Variants in SND1 observed in about 807,000 individuals in gnomAD.
The protein encoded by SND1 is staphylococcal nuclease and tudor domain containing 1.
Under a neutral mutation model 121.7 loss-of-function variants are expected in SND1, and 38 were observed. The observed-to-expected ratio is 0.31, with a 90% CI of 0.24 to 0.41. The LOEUF is 0.41. Ranked by LOEUF, SND1 falls within the 10% of genes least tolerant of loss-of-function variation. The pLI, the probability that SND1 is intolerant of heterozygous loss-of-function variation, is 1.00. For synonymous variants in SND1, 401 were observed against 447.4 expected, an observed-to-expected ratio of 0.90 and a Z score of 1.31; for missense variants, 868 against 1,184.6, an observed-to-expected ratio of 0.73 and a Z score of 3.92.
chr7:127,771,660 A>T (rs1797514990), intron 10 of SND1, among the ~76,000 whole-genome samples: 2 of 152,198 alleles, frequency 1.3e-5, no homozygotes, highest in Non-Finnish European at 2.9e-5. Flanking sequence ...ACATACACAT[A>T]GCTTAATATA....
intron 10 of SND1, among the ~76,000 whole-genome samples, chr7:127,733,092 T>A (rs1026013262): frequency 2.6e-5 from 4 of 152,184 alleles, no homozygotes; most frequent in Non-Finnish European, 5.9e-5. Context: ...ACTTTCTCTC[T>A]CTCTCTTCCC....
At chr7:127,971,628 T>C (rs1160884973) in intron 15 of SND1, among the ~76,000 whole-genome samples, 1 of 152,180 alleles carries the variant, frequency 6.6e-6, no homozygotes, top group African/African-American at 2.4e-5. Context: ...CCTAAGCCCA[T>C]TCTTGACCCC....
chr7:127,876,732 T>TAA lies in SND1; in HGVS notation c.1344-11169_1344-11168insAA, dbSNP rs369116215. Among the ~76,000 whole-genome samples the TAA allele has an allele frequency of 1.4e-4, 21 of 152,278 alleles. No homozygotes were observed. The East Asian group carries it at 4.1e-3, about 29-fold the overall frequency. Reference sequence around the variant, plus strand: ...TTTACTTTCTTCAAGCTTGATCCAGTATTTGATTGGTCTAATCTTAATGTT... The same window carrying TAA: ...TTTACTTTCTTCAAGCTTGATCCAGTAAATTTGATTGGTCTAATCTTAATGTT... On this transcript the variant is annotated intron_variant, in intron 12 of 23. Coordinates refer to ENST00000354725, the MANE Select transcript of SND1 (RefSeq NM_014390.4).
intron 10 of SND1, among the ~76,000 whole-genome samples, chr7:127,764,661 T>G (rs1797380209): frequency 6.6e-6 from 1 of 152,240 alleles, no homozygotes; most frequent in Non-Finnish European, 1.5e-5. Flanking sequence ...ATGCTGTCTT[T>G]TTAAATTTCC....
chr7:127,797,116 C>T lies in SND1; in HGVS notation c.1153-10368C>T, dbSNP rs186298640. 6.6e-5 allele frequency among the ~76,000 whole-genome samples: 10 copies of T among 152,206 alleles called. No individual in the cohort carries two copies. In the East Asian group the frequency reaches 1.9e-3, roughly 30 times the overall value. On this transcript the variant is annotated intron_variant, in intron 10 of 23. Transcript: ENST00000354725. ...CCATGCTGGTCAGGCCGGTCTTGAA[C>T]TCTTGACCTCAGGTTATCCACCCAC...
chr7:127,721,235 A>C, intron 9 of SND1, 52 bp from the exon 10 acceptor site: 2 of 1,258,480 alleles, frequency 1.6e-6, no homozygotes, highest in Non-Finnish European at 2.3e-6. Flanking sequence ...GCTCTTGGAC[A>C]TGTGATGGGG....
chr7:127,954,371 C>T (rs1465307672), intron 15 of SND1, among the ~76,000 whole-genome samples: 1 of 152,174 alleles, frequency 6.6e-6, no homozygotes, highest in African/African-American at 2.4e-5. Context: ...TTATTATTAC[C>T]TGCTTGGGTA....
At chr7:128,026,221 TTTTC>T (rs1395716166) in intron 16 of SND1, among the ~76,000 whole-genome samples, 50 of 152,080 alleles carry the variant, frequency 3.3e-4, no homozygotes, top group African/African-American at 1.1e-3. Flanking sequence ...TCTCCTGCAG[TTTTC>T]TTTCTTTTTA....
intron 16 of SND1, among the ~76,000 whole-genome samples, chr7:128,064,774 A>G (rs1363775798): frequency 6.6e-6 from 1 of 152,218 alleles, no homozygotes; most frequent in Non-Finnish European, 1.5e-5. Context: ...AGAATTCACA[A>G]TTGCTACTAA....
chr7:127,695,561 G>A (rs756941019), intron 3 of SND1, among the ~76,000 whole-genome samples: 2 of 152,186 alleles, frequency 1.3e-5, no homozygotes, highest in South Asian at 2.1e-4. Flanking sequence ...GCCAGGCACC[G>A]TGGCTCACAC....
chr7:127,929,606 G>T (rs370543015), intron 15 of SND1, among the ~76,000 whole-genome samples: 9 of 152,198 alleles, frequency 5.9e-5, no homozygotes, highest in African/African-American at 2.2e-4. Flanking sequence ...AGCAAAGGAA[G>T]TTCCAGACTA....
intron 15 of SND1, among the ~76,000 whole-genome samples, chr7:127,944,217 G>C (rs778655975): frequency 1.3e-5 from 2 of 152,204 alleles, no homozygotes; most frequent in East Asian, 3.8e-4. Flanking sequence ...TGCAGCCAGC[G>C]TGTCTCTAAC....
At chr7:128,021,855 G>A (rs1486849996) in intron 16 of SND1, among the ~76,000 whole-genome samples, 1 of 152,208 alleles carries the variant, frequency 6.6e-6, no homozygotes, top group African/African-American at 2.4e-5. Context: ...TATGGGACAG[G>A]AAACCTGATA....
At chr7:127,897,845 T>G (rs941923375) in intron 13 of SND1, among the ~76,000 whole-genome samples, 3 of 152,182 alleles carry the variant, frequency 2.0e-5, no homozygotes, top group Non-Finnish European at 2.9e-5. Flanking sequence ...GTTTTTTTTC[T>G]TGAAATAGGA....
At chr7:127,916,063 TAG>T (rs35469272) in intron 14 of SND1, among the ~76,000 whole-genome samples, 10 of 150,616 alleles carry the variant, frequency 6.6e-5, no homozygotes, top group East Asian at 3.9e-4. Context: ...CATATATATA[TAG>T]AGAGAGAGAG....
chr7:127,968,814 T>C lies in SND1; in HGVS notation c.1670-22133T>C, dbSNP rs75674771. ...CAACATCTCCTGAACTGGGCTGTGG[T>C]TCTCAGAAGAAAATCAAGGGCCCTG... On this transcript the variant is annotated intron_variant, in intron 15 of 23. Coordinates refer to ENST00000354725, the MANE Select transcript of SND1 (RefSeq NM_014390.4). 2.5e-3 allele frequency among the ~76,000 whole-genome samples: 380 copies of C among 152,288 alleles called. 16 individuals carry two copies. In the East Asian group the frequency reaches 0.054, roughly 22 times the overall value.
chr7:127,722,199 G>C, intron 10 of SND1, among the ~76,000 whole-genome samples: 1 of 152,060 alleles, frequency 6.6e-6, no homozygotes, highest in East Asian at 1.9e-4. Context: ...ACTAGTTATA[G>C]AACTAGTTCC....
At chr7:127,872,065 G>C (rs548538459) in intron 12 of SND1, among the ~76,000 whole-genome samples, 12 of 152,260 alleles carry the variant, frequency 7.9e-5, no homozygotes, top group African/African-American at 2.9e-4. Context: ...CCAGAAGTTC[G>C]AGTCTGTGGT....
At chr7:127,697,823 T>C (rs750083735) in intron 3 of SND1, among the ~76,000 whole-genome samples, 3 of 152,202 alleles carry the variant, frequency 2.0e-5, no homozygotes, top group Admixed American at 1.3e-4. Flanking sequence ...CAGAGGTCGA[T>C]GTGTAGTGTG....
Sources: allele counts gnomAD v4.1 joint callset (sites outside exome capture counted in the v4.1 genomes callset), GRCh38; gene constraint gnomAD v4.1.1; transcripts MANE v1.5; gene names NCBI Gene and HGNC (gene_info 2026-07-23, HGNC 2026-07-21).